DLG2: variants seen among roughly 807,000 people sequenced by gnomAD.
The protein encoded by DLG2 is discs large MAGUK scaffold protein 2.
Under a neutral mutation model 132.5 loss-of-function variants are expected in DLG2, and 45 were observed. The observed-to-expected ratio is 0.34, with a 90% confidence interval of 0.27 to 0.44. DLG2 has a LOEUF of 0.44. Among genes scored for constraint, DLG2 ranks in the 20% least tolerant of loss-of-function variants. The pLI, the probability that DLG2 is intolerant of heterozygous loss-of-function variation, is 1.00. For synonymous variants in DLG2, 424 were observed against 419.6 expected, an observed-to-expected ratio of 1.01 and a Z score of -0.13; for missense variants, 1,045 against 1,196.9, an observed-to-expected ratio of 0.87 and a Z score of 1.87.
intron 6 of DLG2, among the ~76,000 whole-genome samples, chr11:84,651,096 C>T (rs943899010): frequency 1.3e-5 from 2 of 151,246 alleles, no homozygotes; most frequent in African/African-American, 4.9e-5. Flanking sequence ...ACTTTGTTGA[C>T]TCCTTCATTC....
intron 6 of DLG2, among the ~76,000 whole-genome samples, chr11:84,995,360 T>A (rs951053672): frequency 1.3e-5 from 2 of 152,146 alleles, no homozygotes; most frequent in African/African-American, 4.8e-5. Context: ...CTTGGAGAAG[T>A]CACTTCAGCT....
chr11:85,415,678 T>A (rs936567380), intron 3 of DLG2, among the ~76,000 whole-genome samples: 2 of 152,194 alleles, frequency 1.3e-5, no homozygotes, highest in African/African-American at 4.8e-5. Context: ...TGTCTGTTCA[T>A]ATCCTTTGCC....
chr11:84,658,750 A>G (rs560171229), intron 6 of DLG2, among the ~76,000 whole-genome samples: 92 of 152,276 alleles, frequency 6.0e-4, no homozygotes, highest in Non-Finnish European at 1.0e-3. Flanking sequence ...CACCACGATT[A>G]AAAGCTTTCT....
At chr11:84,882,924 G>T (rs1382429086) in intron 6 of DLG2, among the ~76,000 whole-genome samples, 1 of 151,996 alleles carries the variant, frequency 6.6e-6, no homozygotes, top group Middle Eastern at 3.4e-3. Context: ...TTTTCAATAG[G>T]AATTTGCCAT....
At position 83,638,555 on chromosome 11, in the gene DLG2, G is replaced by A. The variant is rs548008243; in HGVS notation, c.1826-5230C>T. ...TCACCTATTCTTGTTCATCACTTGC[G>A]AAAATTGTAACCCCTTTCTGTACTG... On this transcript the variant is annotated intron_variant, in intron 18 of 27. Transcript: ENST00000376104. 9.3e-4 allele frequency among the ~76,000 whole-genome samples: 141 copies of A among 152,214 alleles called. 1 individual carries two copies. Among genetic ancestry groups the A allele is most frequent in the South Asian group, 8.5e-3 (41 of 4,812 alleles).
intron 6 of DLG2, among the ~76,000 whole-genome samples, chr11:84,786,710 C>T (rs756703346): frequency 1.3e-5 from 2 of 152,170 alleles, no homozygotes; most frequent in Non-Finnish European, 1.5e-5. Flanking sequence ...TAAGAGCTGC[C>T]TCAATTGAAT....
intron 3 of DLG2, among the ~76,000 whole-genome samples, chr11:85,399,498 G>C (rs1407259657): frequency 6.6e-6 from 1 of 152,154 alleles, no homozygotes; most frequent in Non-Finnish European, 1.5e-5. Context: ...AAAGAACAAA[G>C]CTGGAGGCAT....
At chr11:84,862,485 A>C (rs1336238199) in intron 6 of DLG2, among the ~76,000 whole-genome samples, 1 of 152,106 alleles carries the variant, frequency 6.6e-6, no homozygotes, top group Non-Finnish European at 1.5e-5. Context: ...TACCCAAAGG[A>C]TTATAAATCA....
intron 7 of DLG2, among the ~76,000 whole-genome samples, chr11:84,474,051 C>T (rs1320595282): frequency 1.3e-5 from 2 of 151,970 alleles, no homozygotes; most frequent in African/African-American, 4.8e-5. Flanking sequence ...TCAATTCATA[C>T]CTTCCATGTG....
At chr11:83,959,878 T>A (rs761747100) in intron 14 of DLG2, among the ~76,000 whole-genome samples, 1 of 152,138 alleles carries the variant, frequency 6.6e-6, no homozygotes, top group African/African-American at 2.4e-5. Flanking sequence ...ATAAATAATA[T>A]AGGAGCAATA....
At chr11:84,029,981 A>AAT (rs1049766537) in intron 11 of DLG2, among the ~76,000 whole-genome samples, 4 of 152,174 alleles carry the variant, frequency 2.6e-5, no homozygotes, top group African/African-American at 7.2e-5. Context: ...ATTTACAAGT[A>AAT]ATATATATAC....
intron 3 of DLG2, among the ~76,000 whole-genome samples, chr11:85,510,592 C>G (rs1192260576): frequency 2.0e-5 from 3 of 152,064 alleles, no homozygotes; most frequent in African/African-American, 7.2e-5. Flanking sequence ...CAAAAGAAGA[C>G]ATTTATGCAG....
chr11:84,757,672 T>TC, intron 6 of DLG2, among the ~76,000 whole-genome samples: 1 of 152,262 alleles, frequency 6.6e-6, no homozygotes, highest in East Asian at 1.9e-4. Flanking sequence ...TCTCATTTAA[T>TC]CCCTTACTGT....
intron 5 of DLG2, among the ~76,000 whole-genome samples, chr11:85,142,440 A>T (rs2076556245): frequency 6.6e-6 from 1 of 151,650 alleles, no homozygotes; most frequent in South Asian, 2.1e-4. Flanking sequence ...TTTATTCTTC[A>T]GTTCTATTAG....
chr11:84,935,270 A>T (rs144178921), intron 6 of DLG2, among the ~76,000 whole-genome samples: 1 of 152,186 alleles, frequency 6.6e-6, no homozygotes, highest in Non-Finnish European at 1.5e-5. Flanking sequence ...GACCCCTCTA[A>T]TCCACTTTTG....
chr11:84,038,559 G>T (rs144480268), intron 11 of DLG2, among the ~76,000 whole-genome samples: 11 of 151,982 alleles, frequency 7.2e-5, no homozygotes, highest in African/African-American at 2.7e-4. Flanking sequence ...AATCTAAAAG[G>T]TATAAAGAAC....
chr11:83,508,141 A>G lies in DLG2; in HGVS notation c.2194-23913T>C, dbSNP rs544096881. Among the ~76,000 whole-genome samples, 44 of 152,182 alleles carry G rather than the reference A, an allele frequency of 2.9e-4. 1 individual carries two copies. Among genetic ancestry groups the G allele is most frequent in the Middle Eastern group, 3.4e-3 (1 of 294 alleles). On this transcript the variant is annotated intron_variant, in intron 21 of 27. Coordinates refer to ENST00000376104, the MANE Select transcript of DLG2 (RefSeq NM_001142699.3). The stretch of plus-strand genomic sequence containing the variant: ...ACCCTCACAGACACATCCAGGATCA[A>G]TACTTTGCATCCTTCCATCCAATCA...
At chr11:83,791,211 C>T (rs2153900330) in intron 17 of DLG2, 1 of 641,716 alleles carries the variant, frequency 1.6e-6, no homozygotes, top group Admixed American at 2.6e-5. Context: ...GCCTTATCGG[C>T]CTCTGAGCTC....
At chr11:85,408,786 C>T (rs1440060785) in intron 3 of DLG2, among the ~76,000 whole-genome samples, 3 of 151,506 alleles carry the variant, frequency 2.0e-5, no homozygotes, top group African/African-American at 7.3e-5. Flanking sequence ...TTTCTTAATC[C>T]AGTCTATCAT....
Sources: allele counts gnomAD v4.1 joint callset (sites outside exome capture counted in the v4.1 genomes callset), GRCh38; gene constraint gnomAD v4.1.1; transcripts MANE v1.5; gene names NCBI Gene and HGNC (gene_info 2026-07-23, HGNC 2026-07-21).